Variants in TMEM114 observed in about 807,000 individuals in gnomAD.
The protein encoded by TMEM114 is claudin-26.
In TMEM114, 6 loss-of-function variants were observed where a neutral mutation model predicts 6.2. The ratio of observed to expected loss-of-function variants is 0.97; its 90% CI spans 0.53 to 1.91. The LOEUF is 1.91. Among genes scored for constraint, TMEM114 ranks in the 40% most tolerant of loss-of-function variants. The pLI, the probability that TMEM114 is intolerant of heterozygous loss-of-function variation, is 0.01. For missense variants in TMEM114, 218 were observed against 158.3 expected (o/e 1.38, Z -2.02); for synonymous variants, 104 against 73.0 (o/e 1.42, Z -2.16).
intron 2 of TMEM114, among the ~76,000 whole-genome samples, chr16:8,574,858 G>A (rs1477716734): frequency 1.3e-5 from 2 of 152,170 alleles, no homozygotes; most frequent in African/African-American, 2.4e-5. Context: ...AGCCACCCAG[G>A]AGAGAGCTAT....
chr16:8,569,876 G>T lies in TMEM114; in HGVS notation c.569C>A (p.Ala190Asp). The T allele has an allele frequency of 1.9e-6, 3 of 1,551,184 alleles. No individual in the cohort carries two copies. The highest frequency in any genetic ancestry group is 2.6e-6 in the Non-Finnish European group (3 of 1,146,960). The change falls in exon 4 of 4, where the codon GCC becomes GAC. Residue 190 changes from alanine (A) to aspartate (D), a missense_variant. Transcript: ENST00000620492. ...GGCGATGAAGCTGATCCAGCCCAGG[G>T]CCAGGGACCAGCCGAAGCTGATGTC... is the stretch of plus-strand genomic sequence containing the variant. Reference protein sequence around the residue: ...QVDISFGWSLALGWISFIAEL... With the variant: ...QVDISFGWSLDLGWISFIAEL...
Position 8,547,105 on chromosome 16 carries a change from T to C in TMEM114, n.213-9279A>G, listed in dbSNP as rs1252489672. ...CCTCAGGCTCTTTTCCAGAATTCTG[T>C]TGAGGGATCGTGTGGTCTCATTGAC... On this transcript the variant is annotated intron_variant and non_coding_transcript_variant, in intron 2 of 2. Coordinates refer to the TMEM114 transcript ENST00000623677. 2.6e-5 allele frequency among the ~76,000 whole-genome samples: 4 copies of C among 152,092 alleles called. No homozygotes were observed. The East Asian group carries it at 5.8e-4, about 22-fold the overall frequency.
intron 2 of TMEM114, among the ~76,000 whole-genome samples, chr16:8,557,898 A>G (rs184540866): frequency 1.6e-3 from 248 of 152,300 alleles, no homozygotes; most frequent in Non-Finnish European, 2.9e-3. Context: ...ACAAACCACC[A>G]CAAATTAGGT....
intron 2 of TMEM114, among the ~76,000 whole-genome samples, chr16:8,560,430 T>G (rs1950500166): frequency 6.6e-6 from 1 of 152,054 alleles, no homozygotes; most frequent in Non-Finnish European, 1.5e-5. Context: ...TGCCCTGGAA[T>G]CTCTAAAGTG....
At chr16:8,571,554 T>A (rs1901732030) in intron 3 of TMEM114, among the ~76,000 whole-genome samples, 1 of 152,162 alleles carries the variant, frequency 6.6e-6, no homozygotes, top group South Asian at 2.1e-4. Flanking sequence ...CAGCTGAAAT[T>A]GTGTGTTCTT....
At chr16:8,551,941 A>G (rs1282301904) in intron 2 of TMEM114, among the ~76,000 whole-genome samples, 3 of 152,216 alleles carry the variant, frequency 2.0e-5, no homozygotes, top group Non-Finnish European at 4.4e-5. Context: ...AAGTGGATAG[A>G]TCTCAAAGGT....
At chr16:8,569,160 G>C (rs1342577691), downstream of TMEM114, among the ~76,000 whole-genome samples, 2 of 152,198 alleles carry the variant, frequency 1.3e-5, no homozygotes, top group Non-Finnish European at 2.9e-5. Flanking sequence ...AGAACACCAG[G>C]ATGAAAGGAG....
chr16:8,547,144 G>T (rs148133536), intron 2 of TMEM114, among the ~76,000 whole-genome samples: 3 of 152,116 alleles, frequency 2.0e-5, no homozygotes, highest in African/African-American at 7.2e-5. Flanking sequence ...AAATACGGCT[G>T]GGGGAAAAGG....
At chr16:8,578,469 C>T (rs1902018761) in intron 2 of TMEM114, among the ~76,000 whole-genome samples, 1 of 152,122 alleles carries the variant, frequency 6.6e-6, no homozygotes, top group Non-Finnish European at 1.5e-5. Context: ...GGATTTAGGG[C>T]CCACCAAGTT....
intron 2 of TMEM114, among the ~76,000 whole-genome samples, chr16:8,542,779 C>A (rs2083555290): frequency 6.6e-6 from 1 of 152,092 alleles, no homozygotes; most frequent in African/African-American, 2.4e-5. Context: ...ATATTTCCAA[C>A]CAGAATCTCC....
At chr16:8,561,336 A>T (rs1901192323) in intron 2 of TMEM114, among the ~76,000 whole-genome samples, 1 of 152,164 alleles carries the variant, frequency 6.6e-6, no homozygotes. Context: ...CATTATTTTC[A>T]TCGTACAACA....
chr16:8,549,171 G>C (rs1446478619), intron 2 of TMEM114, among the ~76,000 whole-genome samples: 2 of 109,244 alleles, frequency 1.8e-5, no homozygotes, highest in Non-Finnish European at 3.4e-5. Flanking sequence ...AACAGAACGA[G>C]ACTCCATCTC....
intron 2 of TMEM114, among the ~76,000 whole-genome samples, chr16:8,573,815 C>T (rs1376629681): frequency 6.6e-6 from 1 of 152,192 alleles, no homozygotes; most frequent in African/African-American, 2.4e-5. Flanking sequence ...TAGGGACAGG[C>T]ATTTATTACC....
At chr16:8,555,914 G>A (rs1361755250) in intron 2 of TMEM114, among the ~76,000 whole-genome samples, 1 of 152,176 alleles carries the variant, frequency 6.6e-6, no homozygotes, top group Non-Finnish European at 1.5e-5. Context: ...CTCACCCTAA[G>A]AAGTATCTCC....
At chr16:8,535,299 T>TTATTATTA (rs1900323036), downstream of TMEM114, among the ~76,000 whole-genome samples, 1 of 152,226 alleles carries the variant, frequency 6.6e-6, no homozygotes, top group South Asian at 2.1e-4. Flanking sequence ...AAGGACTTTT[T>TTATTATTA]TATTATTACT....
At chr16:8,570,231 G>C (rs976629067) in intron 3 of TMEM114, among the ~76,000 whole-genome samples, 3 of 152,192 alleles carry the variant, frequency 2.0e-5, no homozygotes, top group Non-Finnish European at 2.9e-5. Flanking sequence ...CTCACGCTTC[G>C]ATTCCTGGAC....
the TMEM114 span, among the ~76,000 whole-genome samples, chr16:8,526,966 T>G: frequency 2.0e-5 from 3 of 152,164 alleles, no homozygotes; most frequent in Admixed American, 6.5e-5. Context: ...CCAGCACTTT[T>G]GGAGGCCAAG....
intron 2 of TMEM114, among the ~76,000 whole-genome samples, chr16:8,574,894 A>G (rs1901865467): frequency 1.3e-5 from 2 of 152,166 alleles, no homozygotes; most frequent in African/African-American, 2.4e-5. Context: ...AATTTGGTTT[A>G]GCTTTCTTTG....
chr16:8,562,276 A>G (rs1302171829), intron 2 of TMEM114, among the ~76,000 whole-genome samples: 2 of 129,916 alleles, frequency 1.5e-5, no homozygotes, highest in African/African-American at 2.9e-5. Flanking sequence ...GAGGGAGGGA[A>G]TGAGTGAGTG....
Sources: gnomAD v4.1 joint callset for allele counts (sites outside exome capture counted in the v4.1 genomes callset) on GRCh38, gnomAD v4.1.1 for gene constraint, MANE v1.5 for transcripts, NCBI Gene and HGNC (gene_info 2026-07-23, HGNC 2026-07-21) for gene names.